The following PLEKHA6 variants were observed in gnomAD, a reference collection of about 807,000 sequenced individuals.
PLEKHA6 encodes pleckstrin homology domain-containing family A member 6.
Under a neutral mutation model 116.7 loss-of-function variants are expected in PLEKHA6, and 60 were observed. The observed-to-expected ratio is 0.51, with a 90% CI of 0.42 to 0.64. The LOEUF (loss-of-function observed/expected upper bound fraction) is 0.64. PLEKHA6 is among the 30% of genes least tolerant of loss of function. The pLI, the probability that PLEKHA6 is intolerant of heterozygous loss-of-function variation, is 0.00. For missense variants in PLEKHA6, 1,338 were observed against 1,422.7 expected (o/e 0.94, Z 0.96); for synonymous variants, 489 against 556.1 (o/e 0.88, Z 1.70).
At chr1:204,263,257 A>G (rs952518987) in intron 6 of PLEKHA6, among the ~76,000 whole-genome samples, 1 of 152,224 alleles carries the variant, frequency 6.6e-6, no homozygotes. Flanking sequence ...GCCTGGAACT[A>G]TGAAAGGGGG....
At chr1:204,328,045 A>ATTTT (rs1464049950) in intron 1 of PLEKHA6, among the ~76,000 whole-genome samples, 2 of 125,650 alleles carry the variant, frequency 1.6e-5, no homozygotes, top group Admixed American at 8.6e-5. Context: ...GCTTTTATTT[A>ATTTT]TTTTATTTAT....
chr1:204,277,977 G>A lies in PLEKHA6; in HGVS notation c.-94-3168C>T, dbSNP rs1668195279. 6.6e-6 allele frequency: 1 copy of A among 152,248 alleles called. No homozygotes were observed. Among genetic ancestry groups the A allele is most frequent in the Non-Finnish European group, 1.5e-5 (1 of 68,094 alleles). The allele number at this position is 152,248 out of a possible 1,614,324, so 9.4% of individuals were successfully genotyped here. ...TTGCAAGGAAGAGGGCAGCAAATGGGGCTTGAGAGGGGGTCACTGTGTGTT... is the reference window on the plus strand; with the variant it reads ...TTGCAAGGAAGAGGGCAGCAAATGGAGCTTGAGAGGGGGTCACTGTGTGTT... On this transcript the variant is annotated intron_variant, in intron 1 of 22. Coordinates refer to ENST00000272203, the MANE Select transcript of PLEKHA6 (RefSeq NM_014935.5). This position sits in a 1 kb window ranked among gnomAD's most constrained non-coding sequence, Gnocchi z 4.1.
intron 1 of PLEKHA6, chr1:204,299,706 C>G (rs1670632438): frequency 1.2e-6 from 1 of 856,912 alleles, no homozygotes. Context: ...AACCTGCCCC[C>G]TCATGTCTTC....
At chr1:204,342,048 G>A (rs189599829) in intron 1 of PLEKHA6, among the ~76,000 whole-genome samples, 39 of 152,236 alleles carry the variant, frequency 2.6e-4, no homozygotes, top group African/African-American at 9.1e-4. Context: ...AACCGTGTGT[G>A]GTGGCACATG....
chr1:204,320,416 C>T (rs1386293421), intron 1 of PLEKHA6: 12 of 839,706 alleles, frequency 1.4e-5, no homozygotes, highest in African/African-American at 1.8e-5. Flanking sequence ...TCACCATACT[C>T]GCAGCTCAGC....
At chr1:204,326,942 C>T (rs1157071825) in intron 1 of PLEKHA6, 1 of 982,664 alleles carries the variant, frequency 1.0e-6, no homozygotes, top group Non-Finnish European at 1.2e-6. Flanking sequence ...GGGGCCTCCG[C>T]ACTTAGGCAG....
chr1:204,265,147 T>A, intron 5 of PLEKHA6, 105 bp from the exon 6 acceptor site: 1 of 784,992 alleles, frequency 1.3e-6, no homozygotes, highest in Non-Finnish European at 2.3e-6. Context: ...TAAATATCAA[T>A]ACATATTTGT....
chr1:204,311,587 A>G, intron 1 of PLEKHA6: 1 of 978,490 alleles, frequency 1.0e-6, no homozygotes, highest in Non-Finnish European at 1.2e-6. Flanking sequence ...AAAACTAATG[A>G]TAACTGCCAA....
chr1:204,237,263 T>C (rs1662193334), intron 17 of PLEKHA6, among the ~76,000 whole-genome samples: 1 of 152,182 alleles, frequency 6.6e-6, no homozygotes, highest in Non-Finnish European at 1.5e-5. Context: ...ACTTAGCAGC[T>C]GGAAGAACCC....
chr1:204,322,220 C>T (rs964529193), intron 1 of PLEKHA6, among the ~76,000 whole-genome samples: 2 of 152,132 alleles, frequency 1.3e-5, no homozygotes, highest in Non-Finnish European at 2.9e-5. Flanking sequence ...CGTCTGAACC[C>T]GCCCCCCTAC....
At chr1:204,351,115 G>A (rs1673265257) in intron 1 of PLEKHA6, among the ~76,000 whole-genome samples, 1 of 152,202 alleles carries the variant, frequency 6.6e-6, no homozygotes, top group African/African-American at 2.4e-5. Flanking sequence ...AGGCTGCCTT[G>A]CTTAGGAAGG....
At position 204,267,699 on chromosome 1, in the gene PLEKHA6, C is replaced by G. The variant is rs1184204611; in HGVS notation, c.208-152G>C. The G allele has an allele frequency of 4.5e-6, 3 of 660,130 alleles. No individual in the cohort carries two copies. In the African/African-American group the frequency reaches 5.4e-5, roughly 12 times the overall value. 40.9% of individuals were successfully genotyped at this position (660,130 alleles called of 1,614,324 possible). On this transcript the variant is annotated intron_variant, in intron 4 of 22. Transcript: ENST00000272203. Reference sequence around the variant, plus strand: ...AATGCACGGCAGCAACCCCTGGAGACCTCAGATGCAAGGAACTGACATTAG... The same window carrying G: ...AATGCACGGCAGCAACCCCTGGAGAGCTCAGATGCAAGGAACTGACATTAG...
intron 1 of PLEKHA6, chr1:204,275,587 G>T: frequency 2.2e-6 from 1 of 453,790 alleles, no homozygotes. Context: ...GCATCGTGGA[G>T]CCTCCTTGGG....
Position 204,288,797 on chromosome 1 carries a change from G to A in PLEKHA6, c.-94-13988C>T, listed in dbSNP as rs147502748. Among the ~76,000 whole-genome samples, 114 of 152,270 alleles carry A rather than the reference G, an allele frequency of 7.5e-4. 1 individual carries two copies. The highest frequency in any genetic ancestry group is 2.4e-3 in the African/African-American group (101 of 41,554). On this transcript the variant is annotated intron_variant, in intron 1 of 22. Coordinates refer to ENST00000272203, the MANE Select transcript of PLEKHA6 (RefSeq NM_014935.5). ...TCTGCGCCACTCAGAAGTTTGGAGA[G>A]CAGCACTAGGAATTGTAATAGAGAT...
At chr1:204,347,357 G>C (rs1308950675) in intron 1 of PLEKHA6, 13 of 638,072 alleles carry the variant, frequency 2.0e-5, no homozygotes, top group Non-Finnish European at 3.7e-5. Flanking sequence ...CTCACTGGCT[G>C]TCAGAGTTTA....
At chr1:204,246,023 G>A (rs1181425588) in intron 13 of PLEKHA6, among the ~76,000 whole-genome samples, 1 of 152,194 alleles carries the variant, frequency 6.6e-6, no homozygotes, top group Non-Finnish European at 1.5e-5. Context: ...GGTGGTTTTC[G>A]AGTGAATGCC....
At chr1:204,292,021 T>C (rs1444476342) in intron 1 of PLEKHA6, among the ~76,000 whole-genome samples, 4 of 152,182 alleles carry the variant, frequency 2.6e-5, no homozygotes, top group African/African-American at 9.7e-5. Flanking sequence ...AGGGTGGGAA[T>C]GGGTATGGTT....
chr1:204,280,431 C>T (rs1231077016), intron 1 of PLEKHA6: 4 of 985,224 alleles, frequency 4.1e-6, no homozygotes, highest in African/African-American at 3.5e-5. Context: ...TACTCCACTC[C>T]TTCCACCCAC....
At chr1:204,288,517 T>C (rs1485903929) in intron 1 of PLEKHA6, among the ~76,000 whole-genome samples, 1 of 152,152 alleles carries the variant, frequency 6.6e-6, no homozygotes, top group Admixed American at 6.5e-5. Flanking sequence ...GGCGGGCCAA[T>C]AGAGGAACTG....
Sources: gnomAD v4.1 joint callset for allele counts (sites outside exome capture counted in the v4.1 genomes callset) on GRCh38, gnomAD v4.1.1 for gene constraint, Gnocchi (gnomAD v3.1) non-coding constraint, MANE v1.5 for transcripts, NCBI Gene and HGNC (gene_info 2026-07-23, HGNC 2026-07-21) for gene names.